Variants in CAMK2D observed in about 807,000 individuals in gnomAD.
The protein encoded by CAMK2D is calcium/calmodulin-dependent protein kinase type II subunit delta.
A neutral mutation model predicts 84.0 loss-of-function variants in CAMK2D; 37 were observed. That is an observed-to-expected ratio of 0.44 (90% CI 0.34 to 0.58). CAMK2D has a LOEUF of 0.58. CAMK2D is among the 20% of genes least tolerant of loss of function. The pLI is 0.02. For synonymous variants in CAMK2D, 202 were observed against 212.5 expected, an observed-to-expected ratio of 0.95 and a Z score of 0.43; for missense variants, 448 against 652.5, an observed-to-expected ratio of 0.69 and a Z score of 3.41.
At chr4:113,650,708 G>A (rs1367788272) in intron 3 of CAMK2D, among the ~76,000 whole-genome samples, 1 of 152,068 alleles carries the variant, frequency 6.6e-6, no homozygotes, top group Non-Finnish European at 1.5e-5. Context: ...ATAAGACAAA[G>A]CATAGCATGT....
intron 6 of CAMK2D, among the ~76,000 whole-genome samples, chr4:113,545,397 A>G (rs2098558230): frequency 6.6e-6 from 1 of 152,236 alleles, no homozygotes; most frequent in Non-Finnish European, 1.5e-5. Context: ...ACATCAATTA[A>G]CATATTAATT....
chr4:113,732,442 C>T (rs980808600), intron 2 of CAMK2D, among the ~76,000 whole-genome samples: 2 of 152,012 alleles, frequency 1.3e-5, no homozygotes, highest in Admixed American at 6.6e-5. Flanking sequence ...TTTTTAATGT[C>T]GAAACACTTG....
intron 16 of CAMK2D, among the ~76,000 whole-genome samples, chr4:113,491,783 G>C (rs2097847204): frequency 6.6e-6 from 1 of 151,906 alleles, no homozygotes; most frequent in African/African-American, 2.4e-5. Context: ...GACTCTTTTT[G>C]GTTGGTAAAC....
At chr4:113,614,116 T>A (rs2099012093) in intron 3 of CAMK2D, among the ~76,000 whole-genome samples, 2 of 152,242 alleles carry the variant, frequency 1.3e-5, no homozygotes, top group South Asian at 4.1e-4. Flanking sequence ...ACAAAGTCAA[T>A]GTTTTCTATT....
intron 4 of CAMK2D, among the ~76,000 whole-genome samples, chr4:113,607,074 GA>G (rs1446428774): frequency 6.6e-6 from 1 of 151,350 alleles, no homozygotes. Flanking sequence ...GACAAGCTCA[GA>G]AAAAGGAATA....
intron 4 of CAMK2D, among the ~76,000 whole-genome samples, chr4:113,603,740 TTA>T (rs994798629): frequency 6.9e-6 from 1 of 144,504 alleles, no homozygotes; most frequent in African/African-American, 2.6e-5. Context: ...TTATATTTCT[TTA>T]TATATATCTT....
intron 2 of CAMK2D, chr4:113,755,179 C>T (rs1056767176): frequency 4.1e-5 from 9 of 219,446 alleles, no homozygotes; most frequent in Non-Finnish European, 5.9e-5. Context: ...GGGATACACA[C>T]ACACACACAC....
intron 2 of CAMK2D, among the ~76,000 whole-genome samples, chr4:113,692,630 A>G (rs999952022): frequency 1.3e-5 from 2 of 152,004 alleles, no homozygotes; most frequent in South Asian, 2.1e-4. Context: ...ACATTCATAT[A>G]TTCATTCATA....
At chr4:113,585,426 T>C (rs2098829413) in intron 4 of CAMK2D, among the ~76,000 whole-genome samples, 1 of 152,158 alleles carries the variant, frequency 6.6e-6, no homozygotes, top group Non-Finnish European at 1.5e-5. Flanking sequence ...TACATGTGTG[T>C]ATATATGCAC....
chr4:113,761,381 G>C lies in CAMK2D; in HGVS notation c.-313C>G. 7.7e-7 allele frequency: 1 copy of C among 1,306,764 alleles called. No homozygotes were observed. The highest frequency in any genetic ancestry group is 9.8e-7 in the Non-Finnish European group (1 of 1,019,844). 80.9% of individuals were successfully genotyped at this position (1,306,764 alleles called of 1,614,324 possible). On this transcript the variant is annotated 5_prime_UTR_variant, in exon 1 of 21. Transcript: ENST00000511664. ...CCTGTCCCCAAATGCAGGGGGTAAAGTACTCAAGAAGAGGGGGCCGGGAAA... is the reference window on the plus strand; with the variant it reads ...CCTGTCCCCAAATGCAGGGGGTAAACTACTCAAGAAGAGGGGGCCGGGAAA...
At chr4:113,677,505 TACTTCCTTCTTGAAGGA>T in intron 2 of CAMK2D, 1 of 863,420 alleles carries the variant, frequency 1.2e-6, no homozygotes, top group Non-Finnish European at 1.4e-6. Context: ...CAACTTGGCT[TACTTCCTTCTTGAAGGA>T]ACTTGCTCGT....
chr4:113,709,881 T>C (rs915132444), intron 2 of CAMK2D, among the ~76,000 whole-genome samples: 7 of 148,786 alleles, frequency 4.7e-5, no homozygotes, highest in African/African-American at 1.7e-4. Context: ...GGTTTTAGAA[T>C]GGCATTTATT....
intron 4 of CAMK2D, among the ~76,000 whole-genome samples, chr4:113,579,720 C>CT (rs2098799497): frequency 6.6e-6 from 1 of 152,106 alleles, no homozygotes; most frequent in Non-Finnish European, 1.5e-5. Flanking sequence ...CAAAATAAAC[C>CT]TTTTTTCTTT....
At chr4:113,475,482 C>A (rs1041943907) in intron 16 of CAMK2D, among the ~76,000 whole-genome samples, 1 of 152,168 alleles carries the variant, frequency 6.6e-6, no homozygotes, top group Non-Finnish European at 1.5e-5. Context: ...TCCAAGTGAT[C>A]TTTTTAAAGG....
At chr4:113,603,613 C>T (rs2098963350) in intron 4 of CAMK2D, among the ~76,000 whole-genome samples, 1 of 150,290 alleles carries the variant, frequency 6.7e-6, no homozygotes, top group Non-Finnish European at 1.5e-5. Flanking sequence ...AGTCTATGTG[C>T]AAAAGAGACT....
intron 13 of CAMK2D, among the ~76,000 whole-genome samples, chr4:113,506,755 G>A (rs2098132483): frequency 6.6e-6 from 1 of 152,146 alleles, no homozygotes; most frequent in Non-Finnish European, 1.5e-5. Flanking sequence ...AATATTCTGA[G>A]ATACTTTTAT....
intron 4 of CAMK2D, among the ~76,000 whole-genome samples, chr4:113,589,212 A>T (rs7696929): frequency 0.7 from 106,614 of 151,804 alleles, 37,614 homozygotes; most frequent in Middle Eastern, 0.74. Context: ...TTTGATAGGA[A>T]CTCTCTGGCT....
chr4:113,609,750 C>A (rs2098992199), intron 3 of CAMK2D, among the ~76,000 whole-genome samples: 1 of 152,174 alleles, frequency 6.6e-6, no homozygotes, highest in Non-Finnish European at 1.5e-5. Flanking sequence ...CACTCCCTGG[C>A]CAACCTGGCA....
chr4:113,740,836 TCTC>T (rs2099591350), intron 2 of CAMK2D, among the ~76,000 whole-genome samples: 1 of 152,180 alleles, frequency 6.6e-6, no homozygotes, highest in Admixed American at 6.5e-5. Flanking sequence ...ACTATAGTAG[TCTC>T]CTCTTAATTC....
Sources: gnomAD v4.1 joint callset for allele counts (sites outside exome capture counted in the v4.1 genomes callset) on GRCh38, gnomAD v4.1.1 for gene constraint, MANE v1.5 for transcripts, NCBI Gene and HGNC (gene_info 2026-07-23, HGNC 2026-07-21) for gene names.